STXBP4: variants seen among roughly 807,000 people sequenced by gnomAD.
STXBP4 encodes syntaxin binding protein 4, also known as syntaxin-binding protein 4.
Under a neutral mutation model 76.1 loss-of-function variants are expected in STXBP4, and 55 were observed. That is an observed-to-expected ratio of 0.72 (90% CI 0.58 to 0.91). The LOEUF is 0.91. Among genes scored for constraint, STXBP4 ranks in the 40% least tolerant of loss-of-function variants. STXBP4 has a pLI of 0.00. For missense variants in STXBP4, 618 were observed against 636.9 expected, an observed-to-expected ratio of 0.97 and a Z score of 0.32; for synonymous variants, 201 against 220.2, an observed-to-expected ratio of 0.91 and a Z score of 0.77.
At chr17:55,204,833 C>CACACACACACACACACACAT in the STXBP4 span, among the ~76,000 whole-genome samples, 528 of 123,190 alleles carry the variant, frequency 4.3e-3, 7 homozygotes, top group African/African-American at 0.014. Context: ...CACACACACA[C>CACACACACACACACACACAT]ACACACACAC....
chr17:55,140,279 G>T (rs1185244156), intron 16 of STXBP4, among the ~76,000 whole-genome samples: 1 of 152,042 alleles, frequency 6.6e-6, no homozygotes, highest in Non-Finnish European at 1.5e-5. Context: ...CTGCACTCTT[G>T]CCTGGGCAAC....
the STXBP4 span, among the ~76,000 whole-genome samples, chr17:55,201,501 T>C: frequency 6.6e-6 from 1 of 152,122 alleles, no homozygotes; most frequent in East Asian, 1.9e-4. Flanking sequence ...CAGTGTCTTG[T>C]GTTATTAATA....
chr17:55,012,797 C>T (rs537340551), intron 8 of STXBP4, among the ~76,000 whole-genome samples: 23 of 152,270 alleles, frequency 1.5e-4, no homozygotes, highest in African/African-American at 5.5e-4. Flanking sequence ...TACAAAGGAA[C>T]TTCCATCAGT....
intron 16 of STXBP4, among the ~76,000 whole-genome samples, chr17:55,141,070 A>G (rs2080089652): frequency 6.6e-6 from 1 of 152,186 alleles, no homozygotes; most frequent in African/African-American, 2.4e-5. Flanking sequence ...GTAAATGACA[A>G]GTCATAATCC....
At chr17:55,016,502 A>G (rs2078210305) in intron 8 of STXBP4, among the ~76,000 whole-genome samples, 1 of 152,180 alleles carries the variant, frequency 6.6e-6, no homozygotes, top group Non-Finnish European at 1.5e-5. Context: ...AGTCTTTTTG[A>G]TTCTGTAAGT....
intron 12 of STXBP4, among the ~76,000 whole-genome samples, chr17:55,070,516 G>T (rs1007732734): frequency 1.3e-5 from 2 of 152,108 alleles, no homozygotes; most frequent in Admixed American, 6.6e-5. Flanking sequence ...AGGAAATAAA[G>T]TCCTTTGAGT....
chr17:55,087,752 G>T lies in STXBP4; in HGVS notation c.1489+6569G>T, dbSNP rs1474790017. Among the ~76,000 whole-genome samples the T allele has an allele frequency of 3.3e-5, 5 of 152,158 alleles. No individual in the cohort carries two copies. In the East Asian group the frequency reaches 7.7e-4, roughly 23 times the overall value. On this transcript the variant is annotated intron_variant, in intron 16 of 17. Coordinates refer to ENST00000376352, the MANE Select transcript of STXBP4 (RefSeq NM_178509.6). Reference sequence around the variant, plus strand: ...CTCTTGTGGTTCCATTAAAATTTTAGAATTTTTTTCTGTTTCCGTGAAGAA... The same window carrying T: ...CTCTTGTGGTTCCATTAAAATTTTATAATTTTTTTCTGTTTCCGTGAAGAA...
Position 54,990,916 on chromosome 17 carries a change from G to T in STXBP4, c.139G>T (p.Val47Leu), listed in dbSNP as rs1224772704. ...GGINRNEGPL[V>L]YIQEIIPGGD... is the part of the protein sequence containing the mutation. ...AATTAACCGGAATGAAGGCCCATTG[G>T]TATATATTCAGGAAATTATTCCTGG... The change falls in exon 4 of 18, where the codon GTA (valine) becomes TTA (leucine). Residue 47 changes from valine (V) to leucine (L), a missense_variant. Val to Leu is a conservative substitution (Grantham distance 32). Transcript: ENST00000376352. The T allele has an allele frequency of 1.2e-6, 2 of 1,602,962 alleles. No individual in the cohort carries two copies. The highest frequency in any genetic ancestry group is 1.7e-6 in the Non-Finnish European group (2 of 1,176,556).
rs12938943 is a variant in STXBP4, at chr17:55,077,818, A to G, written c.1189-260A>G. Among the ~76,000 whole-genome samples, 182 of 152,168 alleles carry G rather than the reference A, an allele frequency of 1.2e-3. 1 individual carries two copies. The highest frequency in any genetic ancestry group is 1.9e-4 in the Non-Finnish European group (13 of 68,006). ...TGCAAAAACAAAACAAAACAAAACC[A>G]TAAACTAATTTAAATGTATTTTACT... On this transcript the variant is annotated intron_variant, in intron 13 of 17. Transcript: ENST00000376352.
chr17:55,014,601 C>T (rs1040668135), intron 8 of STXBP4, among the ~76,000 whole-genome samples: 10 of 152,012 alleles, frequency 6.6e-5, no homozygotes, highest in East Asian at 5.8e-4. Flanking sequence ...CAAGCATACC[C>T]GGGGCTCTGT....
At chr17:55,131,788 G>A (rs1194538746) in intron 16 of STXBP4, among the ~76,000 whole-genome samples, 1 of 152,076 alleles carries the variant, frequency 6.6e-6, no homozygotes, top group African/African-American at 2.4e-5. Context: ...TTAAGACAGG[G>A]TCTGGCTCTG....
intron 8 of STXBP4, among the ~76,000 whole-genome samples, chr17:55,012,565 G>C (rs1266693841): frequency 1.3e-5 from 2 of 152,112 alleles, no homozygotes; most frequent in African/African-American, 4.8e-5. Flanking sequence ...TCGGAAGTTA[G>C]GAATTCCCTT....
intron 1 of STXBP4, among the ~76,000 whole-genome samples, 158 bp from the exon 2 acceptor site, chr17:54,985,456 C>T (rs2144364140): frequency 6.6e-6 from 1 of 152,298 alleles, no homozygotes; most frequent in African/African-American, 2.4e-5. Context: ...GTGTCTTTTT[C>T]AACTTTAAGT....
chr17:55,204,290 T>C, the STXBP4 span, among the ~76,000 whole-genome samples: 1 of 152,114 alleles, frequency 6.6e-6, no homozygotes, highest in East Asian at 1.9e-4. Flanking sequence ...TTTTTCATAG[T>C]CTCCAGTTCT....
At chr17:55,066,934 G>A (rs751404027) in intron 12 of STXBP4, among the ~76,000 whole-genome samples, 4 of 152,128 alleles carry the variant, frequency 2.6e-5, no homozygotes, top group Non-Finnish European at 4.4e-5. Flanking sequence ...GTTTCTCAAA[G>A]CATAGTTTAT....
rs2080357074 is a variant in STXBP4 at position 55,163,726 on chromosome 17, G to A, written c.*3815G>A. On this transcript the variant is annotated 3_prime_UTR_variant, in exon 18 of 18. Coordinates refer to ENST00000376352, the MANE Select transcript of STXBP4 (RefSeq NM_178509.6). Reference sequence around the variant, plus strand: ...TTCCCCCTAAACAACCTCTTAAAGGGGTAAGAAGTTAGGGGGTTGTTTATT... The same window carrying A: ...TTCCCCCTAAACAACCTCTTAAAGGAGTAAGAAGTTAGGGGGTTGTTTATT... The A allele has an allele frequency of 6.6e-6, 1 of 152,264 alleles. No individual in the cohort carries two copies. Among genetic ancestry groups the A allele is most frequent in the Admixed American group, 6.6e-5 (1 of 15,260 alleles). 9.4% of individuals were successfully genotyped at this position (152,264 alleles called of 1,614,324 possible). A position where few individuals can be genotyped will look rare whatever the true frequency, so the allele number is the denominator to read the frequency against.
chr17:54,997,241 T>G (rs1238814155), intron 4 of STXBP4, among the ~76,000 whole-genome samples: 1 of 152,168 alleles, frequency 6.6e-6, no homozygotes, highest in Non-Finnish European at 1.5e-5. Context: ...AAGATCTTAT[T>G]CTAGGAGGCA....
the STXBP4 span, among the ~76,000 whole-genome samples, chr17:55,189,521 G>T: frequency 3.9e-5 from 6 of 152,158 alleles, no homozygotes; most frequent in African/African-American, 7.2e-5. Flanking sequence ...CAAGAAACAG[G>T]CTGCCCATCA....
At chr17:54,997,227 A>G (rs1486976240) in intron 4 of STXBP4, among the ~76,000 whole-genome samples, 1 of 152,200 alleles carries the variant, frequency 6.6e-6, no homozygotes, top group Non-Finnish European at 1.5e-5. Flanking sequence ...TCACATGATC[A>G]GCTAAGATCT....
Sources: allele counts gnomAD v4.1 joint callset (sites outside exome capture counted in the v4.1 genomes callset), GRCh38; gene constraint gnomAD v4.1.1; transcripts MANE v1.5; gene names NCBI Gene and HGNC (gene_info 2026-07-23, HGNC 2026-07-21).